Variants in FER observed in about 807,000 individuals in gnomAD.
FER encodes the protein FER tyrosine kinase.
FER carries 63 observed loss-of-function variants against 111.0 expected under a neutral mutation model. The observed-to-expected ratio is 0.57, with a 90% CI of 0.46 to 0.70. FER has a LOEUF of 0.70. Ranked by LOEUF, FER falls within the 30% of genes least tolerant of loss-of-function variation. The probability of loss-of-function intolerance (pLI) is 0.00; values close to 1 mark genes in which losing one functional copy is unlikely to be tolerated. For missense variants in FER, 914 were observed against 954.0 expected (o/e 0.96, Z 0.55); for synonymous variants, 327 against 313.9 (o/e 1.04, Z -0.44).
At chr5:108,945,390 A>G (rs1353540443) in intron 10 of FER, among the ~76,000 whole-genome samples, 1 of 151,600 alleles carries the variant, frequency 6.6e-6, no homozygotes, top group East Asian at 1.9e-4. Context: ...CCTCTTACCT[A>G]CCCCATTCAC....
At chr5:108,751,753 G>A (rs1408907742) in intron 1 of FER, among the ~76,000 whole-genome samples, 1 of 152,062 alleles carries the variant, frequency 6.6e-6, no homozygotes, top group East Asian at 1.9e-4. Context: ...TATTTCGATA[G>A]GACTCAACGA....
chr5:108,830,085 C>T (rs1178584415), intron 3 of FER, among the ~76,000 whole-genome samples: 4 of 152,142 alleles, frequency 2.6e-5, no homozygotes, highest in Admixed American at 6.6e-5. Flanking sequence ...ATTTATTTAG[C>T]TTGGTAGAGA....
intron 5 of FER, among the ~76,000 whole-genome samples, chr5:108,847,319 G>GT (rs1446097895): frequency 1.3e-5 from 2 of 151,506 alleles, no homozygotes; most frequent in African/African-American, 2.4e-5. Flanking sequence ...ATGTTTTATC[G>GT]TTTTTCTAGA....
intron 12 of FER, 147 bp downstream of exon 12, chr5:108,955,079 T>A: frequency 1.9e-6 from 1 of 527,262 alleles, no homozygotes. Context: ...AATACAGTGC[T>A]TCAAAATGTA....
At chr5:108,760,682 C>T (rs1034992894) in intron 1 of FER, among the ~76,000 whole-genome samples, 3 of 152,196 alleles carry the variant, frequency 2.0e-5, no homozygotes, top group African/African-American at 7.2e-5. Flanking sequence ...TCACCTCACC[C>T]AGACTTCATA....
intron 17 of FER, among the ~76,000 whole-genome samples, chr5:109,122,001 G>A (rs1314386404): frequency 2.0e-5 from 3 of 151,348 alleles, no homozygotes; most frequent in African/African-American, 7.3e-5. Flanking sequence ...TCTGGCTAAA[G>A]GTTTATCCAT....
At chr5:109,176,916 C>T (rs1757762695) in intron 17 of FER, among the ~76,000 whole-genome samples, 1 of 152,142 alleles carries the variant, frequency 6.6e-6, no homozygotes, top group South Asian at 2.1e-4. Flanking sequence ...AATGTCAGAA[C>T]AAGAAATGTA....
intron 5 of FER, among the ~76,000 whole-genome samples, chr5:108,858,008 C>T (rs1763162986): frequency 6.6e-6 from 1 of 152,138 alleles, no homozygotes; most frequent in Non-Finnish European, 1.5e-5. Flanking sequence ...CAGTATCTGG[C>T]CATTGGTGTG....
At chr5:109,016,407 G>A (rs1767129826) in intron 13 of FER, among the ~76,000 whole-genome samples, 1 of 151,928 alleles carries the variant, frequency 6.6e-6, no homozygotes, top group Non-Finnish European at 1.5e-5. Context: ...TTGGACTTTT[G>A]TTGAATATGA....
At position 108,867,181 on chromosome 5, in the gene FER, T is replaced by C. The variant is rs563220606; in HGVS notation, c.482-586T>C. Among the ~76,000 whole-genome samples the C allele has an allele frequency of 6.4e-4, 97 of 152,258 alleles. 3 individuals are homozygous for C. The highest frequency in any genetic ancestry group is 2.7e-3 in the South Asian group (13 of 4,830). The stretch of plus-strand genomic sequence containing the variant: ...GTTTTGCCAAATACTGAATTCCCAA[T>C]GTTTAGCACAGTTCCTAGTAGCGTT... On this transcript the variant is annotated intron_variant, in intron 5 of 19. Coordinates refer to ENST00000281092, the MANE Select transcript of FER (RefSeq NM_005246.4).
chr5:109,050,793 A>G (rs1398034560), intron 16 of FER, among the ~76,000 whole-genome samples: 2 of 152,242 alleles, frequency 1.3e-5, no homozygotes, highest in Admixed American at 6.5e-5. Context: ...GGTCAGGCCT[A>G]GAAAGCTAAC....
intron 17 of FER, among the ~76,000 whole-genome samples, chr5:109,167,484 T>G (rs559032949): frequency 6.6e-6 from 1 of 152,188 alleles, no homozygotes; most frequent in Admixed American, 6.5e-5. Context: ...ATCTCTTTTC[T>G]ACACCATCAT....
chr5:109,118,017 T>A (rs1227731816), intron 17 of FER, among the ~76,000 whole-genome samples: 1 of 152,186 alleles, frequency 6.6e-6, no homozygotes, highest in East Asian at 1.9e-4. Context: ...TCCTGCCTGA[T>A]TGCCCTGGCC....
At chr5:108,800,877 T>G (rs1304018035) in intron 3 of FER, among the ~76,000 whole-genome samples, 1 of 151,772 alleles carries the variant, frequency 6.6e-6, no homozygotes, top group Non-Finnish European at 1.5e-5. Context: ...AAACCTCGTC[T>G]CTACCAAAAA....
At chr5:108,889,528 G>A (rs369252258) in intron 9 of FER, among the ~76,000 whole-genome samples, 86 of 152,098 alleles carry the variant, frequency 5.7e-4, no homozygotes, top group African/African-American at 2.0e-3. Context: ...ATAGAGAGTA[G>A]AAGGATGGTT....
chr5:109,176,381 G>C (rs1426589283), intron 17 of FER, among the ~76,000 whole-genome samples: 2 of 152,144 alleles, frequency 1.3e-5, no homozygotes. Flanking sequence ...AAGTAAGGCA[G>C]AGAAAGATAA....
At chr5:109,128,842 G>A (rs1208558433) in intron 17 of FER, among the ~76,000 whole-genome samples, 1 of 151,830 alleles carries the variant, frequency 6.6e-6, no homozygotes, top group African/African-American at 2.4e-5. Flanking sequence ...AAGTGTGTCT[G>A]GAAAAATATG....
chr5:108,957,289 C>G (rs1554102415), intron 12 of FER, among the ~76,000 whole-genome samples: 2 of 151,448 alleles, frequency 1.3e-5, no homozygotes, highest in African/African-American at 4.8e-5. Context: ...ACATTTAATA[C>G]AAAGTATAAA....
chr5:108,907,659 TCTC>T, intron 10 of FER, among the ~76,000 whole-genome samples: 1 of 151,758 alleles, frequency 6.6e-6, no homozygotes, highest in East Asian at 1.9e-4. Context: ...GTAGACAGAG[TCTC>T]TGCACTCTTA....
Sources: allele counts gnomAD v4.1 joint callset (sites outside exome capture counted in the v4.1 genomes callset), GRCh38; gene constraint gnomAD v4.1.1; transcripts MANE v1.5; gene names NCBI Gene and HGNC (gene_info 2026-07-23, HGNC 2026-07-21).